The following PDE11A variants were observed in gnomAD, a reference collection of about 807,000 sequenced individuals.
PDE11A encodes the protein phosphodiesterase 11A, also known as dual 3',5'-cyclic-AMP and -GMP phosphodiesterase 11A.
PDE11A carries 100 observed loss-of-function variants against 100.5 expected under a neutral mutation model. That is an observed-to-expected ratio of 1.00 (90% CI 0.85 to 1.18). The LOEUF (loss-of-function observed/expected upper bound fraction) is 1.18, where lower values mean the gene tolerates loss of function less well. Among genes scored for constraint, PDE11A ranks in the 50% most tolerant of loss-of-function variants. PDE11A has a pLI of 0.00. For synonymous variants in PDE11A, 381 were observed against 420.8 expected, an observed-to-expected ratio of 0.91 and a Z score of 1.16; for missense variants, 1,141 against 1,152.6, an observed-to-expected ratio of 0.99 and a Z score of 0.15.
chr2:177,740,919 G>A (rs1430725575), intron 10 of PDE11A, among the ~76,000 whole-genome samples: 2 of 152,170 alleles, frequency 1.3e-5, no homozygotes, highest in East Asian at 1.9e-4. Flanking sequence ...ATAACCTCCT[G>A]AGCCAAACAG....
intron 5 of PDE11A, among the ~76,000 whole-genome samples, chr2:177,874,367 T>C (rs1457633549): frequency 6.6e-6 from 1 of 152,234 alleles, no homozygotes; most frequent in Admixed American, 6.5e-5. Flanking sequence ...GTTGCTCATA[T>C]TTTAGTATCA....
intron 1 of PDE11A, among the ~76,000 whole-genome samples, chr2:178,023,771 C>T (rs1451578641): frequency 6.6e-6 from 1 of 152,096 alleles, no homozygotes; most frequent in African/African-American, 2.4e-5. Flanking sequence ...ATGACCTTGT[C>T]TTTGAGTTAC....
chr2:177,839,920 T>A (rs2083462152), intron 6 of PDE11A, among the ~76,000 whole-genome samples: 1 of 152,212 alleles, frequency 6.6e-6, no homozygotes, highest in Non-Finnish European at 1.5e-5. Flanking sequence ...TACTGTTTCT[T>A]GGGAGCAATT....
rs948347439 is a variant in PDE11A at position 177,773,032 on chromosome 2, C to CT, written c.1738-3660dup. 1.8e-4 allele frequency among the ~76,000 whole-genome samples: 27 copies of CT among 151,198 alleles called. No individual in the cohort carries two copies. In the South Asian group the frequency reaches 2.5e-3, roughly 14 times the overall value. On this transcript the variant is annotated intron_variant, in intron 9 of 19. Transcript: ENST00000286063. ...CTATCGTTTCACATATTATTTCTTTCTTTTTTTTTGAAGAGTCTCACTCTA... is the reference window on the plus strand; with the variant it reads ...CTATCGTTTCACATATTATTTCTTTCTTTTTTTTTTGAAGAGTCTCACTCTA...
At chr2:178,093,730 T>C (rs2087451720) in intron 2 of PDE11A, among the ~76,000 whole-genome samples, 1 of 152,200 alleles carries the variant, frequency 6.6e-6, no homozygotes, top group Admixed American at 6.5e-5. Context: ...TAAGCCTTTG[T>C]TTAGCTCAAA....
intron 16 of PDE11A, chr2:177,675,744 CTT>C (rs2080763912): frequency 1.5e-6 from 1 of 671,116 alleles, no homozygotes; most frequent in Non-Finnish European, 2.8e-6. Flanking sequence ...TCTGGTGGCC[CTT>C]TTGTTTTGTC....
At chr2:177,705,239 A>AAC (rs397715487) in intron 13 of PDE11A, among the ~76,000 whole-genome samples, 4,696 of 151,112 alleles carry the variant, frequency 0.031, 111 homozygotes, top group South Asian at 0.044. Flanking sequence ...TGAAAAAAAA[A>AAC]CCCTGAGATC....
intron 2 of PDE11A, among the ~76,000 whole-genome samples, chr2:177,945,417 G>T (rs1469448029): frequency 4.2e-5 from 6 of 141,428 alleles, no homozygotes; most frequent in African/African-American, 1.6e-4. Context: ...GAAGTGAGGA[G>T]CGTCTCTGCC....
At chr2:177,689,431 G>A (rs2081008433) in intron 15 of PDE11A, among the ~76,000 whole-genome samples, 1 of 152,126 alleles carries the variant, frequency 6.6e-6, no homozygotes, top group Non-Finnish European at 1.5e-5. Flanking sequence ...GGGGTTGCAG[G>A]GTGCACAGAT....
At chr2:177,821,502 C>T (rs868201765) in intron 6 of PDE11A, among the ~76,000 whole-genome samples, 8 of 151,690 alleles carry the variant, frequency 5.3e-5, no homozygotes, top group Non-Finnish European at 1.2e-4. Context: ...AATAAAATTG[C>T]TGAGTTATTC....
At chr2:177,820,112 G>A (rs912311682) in intron 7 of PDE11A, 108 bp downstream of exon 7, 63 of 677,860 alleles carry the variant, frequency 9.3e-5, no homozygotes, top group Admixed American at 1.8e-4. Flanking sequence ...ATAGTTTGAT[G>A]AGTCCTGGCC....
intron 5 of PDE11A, among the ~76,000 whole-genome samples, chr2:177,845,099 T>A (rs2083560209): frequency 6.6e-6 from 1 of 151,032 alleles, no homozygotes. Context: ...GGCTCCTCAC[T>A]TCCCAGTAGG....
Position 177,970,683 on chromosome 2 carries a change from A to G in PDE11A, c.1071+43619T>C, listed in dbSNP as rs374826816. On this transcript the variant is annotated intron_variant, in intron 2 of 19. Coordinates refer to ENST00000286063, the MANE Select transcript of PDE11A (RefSeq NM_016953.4). The stretch of plus-strand genomic sequence containing the variant: ...GACCTAGGTTTAGCATAAAAGTGTT[A>G]GTTGAAATAATGTACGCTAATGAGA... Among the ~76,000 whole-genome samples the G allele has an allele frequency of 4.6e-5, 7 of 152,312 alleles. No homozygotes were observed. In the East Asian group the frequency reaches 1.2e-3, roughly 25 times the overall value.
intron 15 of PDE11A, among the ~76,000 whole-genome samples, chr2:177,685,559 G>GT (rs1208953630): frequency 2.0e-5 from 3 of 149,858 alleles, no homozygotes; most frequent in Admixed American, 6.6e-5. Flanking sequence ...TCTTTTTTTT[G>GT]TTTTTTTGAG....
chr2:178,019,165 G>T (rs183670158), intron 1 of PDE11A, among the ~76,000 whole-genome samples: 76 of 152,284 alleles, frequency 5.0e-4, no homozygotes, highest in African/African-American at 1.8e-3. Context: ...CTGTTCAGTT[G>T]ATATCAGCTA....
chr2:177,709,270 A>T (rs2081324255), intron 13 of PDE11A, among the ~76,000 whole-genome samples: 1 of 152,182 alleles, frequency 6.6e-6, no homozygotes, highest in Non-Finnish European at 1.5e-5. Context: ...GTGAATTAGA[A>T]AGATTATTCT....
At chr2:177,736,015 A>G (rs2081774068) in intron 10 of PDE11A, among the ~76,000 whole-genome samples, 1 of 152,094 alleles carries the variant, frequency 6.6e-6, no homozygotes, top group Admixed American at 6.5e-5. Context: ...TCTTTGCTGC[A>G]CTCAACAGCG....
intron 1 of PDE11A, among the ~76,000 whole-genome samples, chr2:178,046,215 G>A (rs1463411148): frequency 1.3e-5 from 2 of 152,072 alleles, no homozygotes; most frequent in Non-Finnish European, 2.9e-5. Flanking sequence ...TTTTTGGGGG[G>A]GTTGGTTGGT....
intron 2 of PDE11A, chr2:177,997,649 T>C (rs1290636749): frequency 8.0e-6 from 12 of 1,495,740 alleles, no homozygotes; most frequent in Middle Eastern, 1.7e-4. Context: ...TGCAGCCTGA[T>C]TTTGAAATCT....
Sources: gnomAD v4.1 joint callset for allele counts (sites outside exome capture counted in the v4.1 genomes callset) on GRCh38, gnomAD v4.1.1 for gene constraint, MANE v1.5 for transcripts, NCBI Gene and HGNC (gene_info 2026-07-23, HGNC 2026-07-21) for gene names.